Variants in CCSER1 observed in about 807,000 individuals in gnomAD.
CCSER1 encodes coiled-coil serine rich protein 1, also known as serine-rich coiled-coil domain-containing protein 1.
Under a neutral mutation model 82.0 loss-of-function variants are expected in CCSER1, and 41 were observed. The ratio of observed to expected loss-of-function variants is 0.50; its 90% CI spans 0.39 to 0.65. CCSER1 has a LOEUF of 0.65. CCSER1 is among the 30% of genes least tolerant of loss of function. The pLI, the probability that CCSER1 is intolerant of heterozygous loss-of-function variation, is 0.00. For missense variants in CCSER1, 1,119 were observed against 1,064.2 expected, an observed-to-expected ratio of 1.05 and a Z score of -0.72; for synonymous variants, 414 against 383.9, an observed-to-expected ratio of 1.08 and a Z score of -0.92.
intron 8 of CCSER1, among the ~76,000 whole-genome samples, chr4:90,915,628 C>G (rs1440660771): frequency 6.6e-6 from 1 of 152,114 alleles, no homozygotes; most frequent in Non-Finnish European, 1.5e-5. Context: ...CCTCTCTCAC[C>G]ACTCCTATTC....
In CCSER1 at chr4:90,281,924, G is replaced by A. The variant is rs191898688; in HGVS notation, c.-41-26320G>A. On this transcript the variant is annotated intron_variant, in intron 1 of 10. Transcript: ENST00000509176. ...CCATGGGAATACCCGTGATTGACTT[G>A]CCTATTTGGCTGCATTTCACTCTCA... 3.3e-5 allele frequency among the ~76,000 whole-genome samples: 5 copies of A among 152,098 alleles called. No individual in the cohort carries two copies. In the East Asian group the frequency reaches 7.7e-4, roughly 24 times the overall value.
intron 5 of CCSER1, among the ~76,000 whole-genome samples, chr4:90,510,887 G>A (rs974188148): frequency 6.6e-5 from 10 of 152,130 alleles, no homozygotes; most frequent in Admixed American, 3.9e-4. Context: ...CCAGACCTCC[G>A]ATGACCACAT....
At chr4:91,152,598 A>G (rs1355461295) in intron 10 of CCSER1, among the ~76,000 whole-genome samples, 2 of 152,192 alleles carry the variant, frequency 1.3e-5, no homozygotes, top group Non-Finnish European at 2.9e-5. Flanking sequence ...TAGTTGATGC[A>G]GTTTCTTCCT....
chr4:91,062,786 C>G (rs1376079376), intron 9 of CCSER1, among the ~76,000 whole-genome samples: 1 of 151,978 alleles, frequency 6.6e-6, no homozygotes, highest in Non-Finnish European at 1.5e-5. Context: ...ATTTTTTTGT[C>G]ATCTCACTAA....
chr4:91,089,490 T>G (rs1428462631), intron 10 of CCSER1, among the ~76,000 whole-genome samples: 8 of 152,208 alleles, frequency 5.3e-5, no homozygotes, highest in Admixed American at 4.6e-4. Flanking sequence ...TCTTCTTTCA[T>G]TTCCCACCTT....
chr4:91,159,168 C>A (rs1731120045), intron 10 of CCSER1, among the ~76,000 whole-genome samples: 2 of 151,898 alleles, frequency 1.3e-5, no homozygotes, highest in African/African-American at 4.8e-5. Flanking sequence ...CCCACATGTT[C>A]TCCGGGCTTC....
At chr4:90,184,729 C>G (rs1326160466) in intron 1 of CCSER1, among the ~76,000 whole-genome samples, 1 of 151,910 alleles carries the variant, frequency 6.6e-6, no homozygotes, top group Non-Finnish European at 1.5e-5. Context: ...TTCTGGACTC[C>G]TGGGGTGAGA....
chr4:91,474,144 T>C (rs1242492135), intron 10 of CCSER1, among the ~76,000 whole-genome samples: 1 of 151,990 alleles, frequency 6.6e-6, no homozygotes, highest in Non-Finnish European at 1.5e-5. Context: ...TTTTACACAG[T>C]AAAACTGGGA....
chr4:91,191,886 G>A (rs1735023810), intron 10 of CCSER1, among the ~76,000 whole-genome samples: 1 of 152,078 alleles, frequency 6.6e-6, no homozygotes. Flanking sequence ...ACTTCAATCA[G>A]CCAGAGTTGC....
At chr4:90,351,852 A>T (rs1427390022) in intron 3 of CCSER1, among the ~76,000 whole-genome samples, 1 of 152,176 alleles carries the variant, frequency 6.6e-6, no homozygotes, top group East Asian at 1.9e-4. Context: ...AATAAATAGA[A>T]ATGTTGACAA....
At chr4:90,521,069 G>T (rs376692644) in intron 5 of CCSER1, among the ~76,000 whole-genome samples, 35 of 152,214 alleles carry the variant, frequency 2.3e-4, no homozygotes, top group East Asian at 1.5e-3. Context: ...TCTAGGAGTT[G>T]ATTCTTTTTT....
intron 1 of CCSER1, among the ~76,000 whole-genome samples, chr4:90,293,419 G>C (rs1002972393): frequency 6.6e-6 from 1 of 151,250 alleles, no homozygotes; most frequent in Non-Finnish European, 1.5e-5. Flanking sequence ...GTTTTAAAAA[G>C]ATTTAATTTG....
intron 5 of CCSER1, among the ~76,000 whole-genome samples, chr4:90,525,932 C>A (rs749295591): frequency 1.3e-5 from 2 of 152,124 alleles, no homozygotes; most frequent in African/African-American, 2.4e-5. Context: ...AGCCACTGCA[C>A]CTAGCCAATA....
At chr4:91,536,515 A>G (rs1761304643) in intron 10 of CCSER1, among the ~76,000 whole-genome samples, 1 of 151,870 alleles carries the variant, frequency 6.6e-6, no homozygotes. Context: ...TGATAAATGA[A>G]CTCCCTTCCC....
At chr4:90,352,045 C>G (rs535967823) in intron 3 of CCSER1, among the ~76,000 whole-genome samples, 59 of 152,296 alleles carry the variant, frequency 3.9e-4, no homozygotes, top group African/African-American at 1.3e-3. Flanking sequence ...GGAGATTAGG[C>G]CGGGCGCAGC....
At chr4:91,087,550 T>A (rs575702112) in intron 10 of CCSER1, among the ~76,000 whole-genome samples, 1 of 152,234 alleles carries the variant, frequency 6.6e-6, no homozygotes, top group African/African-American at 2.4e-5. Flanking sequence ...AGTATATTGT[T>A]CTCAAAACTA....
rs56988615 is a variant in CCSER1, at chr4:90,616,683, TCACACACACACACACACACACACACA to T, written c.1725-11311_1725-11286del. ...CTGGGCCACAGAGTGTGGCTCTGTC[TCACACACACACACACACACACACACA>T]CACACACACACACACACACACACAC... On this transcript the variant is annotated intron_variant, in intron 5 of 10. Transcript: ENST00000509176. 9.1e-5 allele frequency among the ~76,000 whole-genome samples: 11 copies of T among 120,370 alleles called. No individual in the cohort carries two copies. The South Asian group carries it at 9.3e-4, about 10-fold the overall frequency. 79.0% of individuals were successfully genotyped at this position (120,370 alleles called of 152,430 possible). A position where few individuals can be genotyped will look rare whatever the true frequency, so the allele number is the denominator to read the frequency against.
chr4:90,982,951 T>C (rs1736250792), intron 9 of CCSER1, among the ~76,000 whole-genome samples: 1 of 151,782 alleles, frequency 6.6e-6, no homozygotes, highest in Admixed American at 6.6e-5. Context: ...ACACGATTGA[T>C]AGTTATAGTA....
intron 5 of CCSER1, among the ~76,000 whole-genome samples, chr4:90,498,681 A>T (rs1343342890): frequency 6.6e-6 from 1 of 152,118 alleles, no homozygotes; most frequent in African/African-American, 2.4e-5. Flanking sequence ...AAAAATTCTA[A>T]GTCTTGTCTG....
Sources: gnomAD v4.1 joint callset for allele counts (sites outside exome capture counted in the v4.1 genomes callset) on GRCh38, gnomAD v4.1.1 for gene constraint, MANE v1.5 for transcripts, NCBI Gene and HGNC (gene_info 2026-07-23, HGNC 2026-07-21) for gene names.